Variants in DOCK4 observed in about 807,000 individuals in gnomAD.
The protein encoded by DOCK4 is dedicator of cytokinesis protein 4.
A neutral mutation model predicts 268.1 loss-of-function variants in DOCK4; 97 were observed. The observed-to-expected ratio is 0.36, with a 90% CI of 0.31 to 0.43. The LOEUF (loss-of-function observed/expected upper bound fraction) is 0.43, where lower values mean the gene tolerates loss of function less well. Among genes scored for constraint, DOCK4 ranks in the 20% least tolerant of loss-of-function variants. DOCK4 has a pLI of 1.00. For missense variants in DOCK4, 2,145 were observed against 2,455.7 expected, an observed-to-expected ratio of 0.87 and a Z score of 2.67; for synonymous variants, 954 against 887.2, an observed-to-expected ratio of 1.08 and a Z score of -1.34.
intron 1 of DOCK4, among the ~76,000 whole-genome samples, chr7:112,038,150 T>A (rs1201746559): frequency 6.6e-6 from 1 of 152,248 alleles, no homozygotes; most frequent in Non-Finnish European, 1.5e-5. Context: ...GGCTGATATT[T>A]CCCAGATCAT....
At chr7:111,848,786 A>AC (rs907756546) in intron 23 of DOCK4, among the ~76,000 whole-genome samples, 4 of 150,912 alleles carry the variant, frequency 2.7e-5, no homozygotes, top group Non-Finnish European at 5.9e-5. Flanking sequence ...AAAAGGAAAA[A>AC]CCCCCCTCTC....
At chr7:111,797,459 T>C (rs896458659) in intron 30 of DOCK4, among the ~76,000 whole-genome samples, 3 of 152,206 alleles carry the variant, frequency 2.0e-5, no homozygotes, top group Admixed American at 6.5e-5. Context: ...AAGGATGTTA[T>C]ACTGCTCCTA....
chr7:111,784,070 T>A (rs777723917), intron 33 of DOCK4, 27 bp downstream of exon 33: 3 of 1,579,640 alleles, frequency 1.9e-6, no homozygotes, highest in Non-Finnish European at 2.6e-6. Flanking sequence ...ATCTCACAAG[T>A]AGCACAATTT....
chr7:111,794,855 G>T (rs1158089509), intron 30 of DOCK4, among the ~76,000 whole-genome samples: 11 of 152,178 alleles, frequency 7.2e-5, no homozygotes, highest in Non-Finnish European at 1.5e-4. Flanking sequence ...CAGGCCTTTA[G>T]ATGTGGCAGA....
chr7:111,771,840 C>G (rs1375338654), intron 36 of DOCK4, among the ~76,000 whole-genome samples: 1 of 152,172 alleles, frequency 6.6e-6, no homozygotes, highest in African/African-American at 2.4e-5. Context: ...GACCTTCTTT[C>G]CCCCTTTGCT....
chr7:111,926,103 A>C (rs905384537), intron 12 of DOCK4, among the ~76,000 whole-genome samples: 3 of 140,398 alleles, frequency 2.1e-5, no homozygotes, highest in Non-Finnish European at 4.6e-5. Context: ...AAAGAAAGAG[A>C]GAGAGAGAGA....
intron 17 of DOCK4, among the ~76,000 whole-genome samples, chr7:111,875,401 T>C (rs369475999): frequency 6.6e-6 from 1 of 152,210 alleles, no homozygotes. Flanking sequence ...ATTCAGTACA[T>C]AGGACCAAAT....
intron 32 of DOCK4, among the ~76,000 whole-genome samples, chr7:111,787,532 C>A (rs887416956): frequency 6.6e-6 from 1 of 152,144 alleles, no homozygotes; most frequent in Admixed American, 6.6e-5. Flanking sequence ...AATCTCTATA[C>A]CCTTCTTGGC....
At chr7:111,743,944 C>T (rs1186056191) in intron 44 of DOCK4, among the ~76,000 whole-genome samples, 1 of 152,176 alleles carries the variant, frequency 6.6e-6, no homozygotes, top group Non-Finnish European at 1.5e-5. Context: ...CTCAGCCTCC[C>T]AAGTAGCTGG....
At chr7:112,144,596 G>GCCCTGGATGACCT (rs1815262256) in intron 1 of DOCK4, among the ~76,000 whole-genome samples, 1 of 152,180 alleles carries the variant, frequency 6.6e-6, no homozygotes, top group African/African-American at 2.4e-5. Context: ...TCTCCAGGAT[G>GCCCTGGATGACCT]CCAGGTCATC....
intron 1 of DOCK4, among the ~76,000 whole-genome samples, chr7:112,066,690 C>T (rs199630939): frequency 0.055 from 1,137 of 20,814 alleles, 110 homozygotes; most frequent in African/African-American, 0.22. Flanking sequence ...TATACATATA[C>T]ATATATATAT....
chr7:111,965,055 G>C (rs1400003400), intron 8 of DOCK4, among the ~76,000 whole-genome samples: 1 of 72,992 alleles, frequency 1.4e-5, no homozygotes, highest in Non-Finnish European at 2.3e-5. Context: ...CCTGAAGGAA[G>C]CGCTAAACAT....
intron 1 of DOCK4, among the ~76,000 whole-genome samples, chr7:112,193,188 C>T (rs1245022880): frequency 6.6e-6 from 1 of 152,156 alleles, no homozygotes; most frequent in Non-Finnish European, 1.5e-5. Flanking sequence ...CTTTTGGTTG[C>T]TTTGAAGGCA....
intron 13 of DOCK4, among the ~76,000 whole-genome samples, chr7:111,904,968 T>C (rs1038338407): frequency 3.9e-5 from 6 of 152,226 alleles, no homozygotes; most frequent in Non-Finnish European, 7.3e-5. Flanking sequence ...CCCCATTATC[T>C]TTTGCAAATC....
chr7:111,993,326 A>C (rs1799681708), intron 5 of DOCK4, among the ~76,000 whole-genome samples: 1 of 152,204 alleles, frequency 6.6e-6, no homozygotes, highest in African/African-American at 2.4e-5. Flanking sequence ...CTGTTCTACA[A>C]ATTTCTTTAA....
intron 6 of DOCK4, among the ~76,000 whole-genome samples, chr7:111,986,014 C>G (rs1343849735): frequency 6.6e-6 from 1 of 152,214 alleles, no homozygotes; most frequent in Non-Finnish European, 1.5e-5. Flanking sequence ...TATCCACTTT[C>G]TCTGCTGGGA....
At chr7:112,124,615 C>A (rs570808689) in intron 1 of DOCK4, among the ~76,000 whole-genome samples, 1 of 152,116 alleles carries the variant, frequency 6.6e-6, no homozygotes, top group Non-Finnish European at 1.5e-5. Flanking sequence ...GGCCATGTGA[C>A]GTGAAATATC....
intron 32 of DOCK4, among the ~76,000 whole-genome samples, chr7:111,787,819 A>C (rs1401980826): frequency 1.3e-5 from 2 of 152,258 alleles, no homozygotes; most frequent in Non-Finnish European, 2.9e-5. Context: ...TTCTGAAAGA[A>C]CTGCAAACAT....
chr7:112,020,762 T>C (rs1337533264), intron 1 of DOCK4, among the ~76,000 whole-genome samples: 1 of 150,852 alleles, frequency 6.6e-6, no homozygotes, highest in Non-Finnish European at 1.5e-5. Flanking sequence ...AGCAAGAATA[T>C]AATGAAAAGG....
Sources: gnomAD v4.1 joint callset for allele counts (sites outside exome capture counted in the v4.1 genomes callset) on GRCh38, gnomAD v4.1.1 for gene constraint, MANE v1.5 for transcripts, NCBI Gene and HGNC (gene_info 2026-07-23, HGNC 2026-07-21) for gene names.